The following RNF227 variants were observed in gnomAD, a reference collection of about 807,000 sequenced individuals.
RNF227 encodes ring finger protein 227.
RNF227 carries 8 observed loss-of-function variants against 4.9 expected under a neutral mutation model. The ratio of observed to expected loss-of-function variants is 1.65; its 90% CI spans 0.97 to 2.98. The LOEUF (loss-of-function observed/expected upper bound fraction) is 2.98, where lower values mean the gene tolerates loss of function less well. RNF227 is among the 30% of genes most tolerant of loss of function. The pLI is 0.00. For synonymous variants in RNF227, 63 were observed against 28.1 expected (o/e 2.25, Z -3.94); for missense variants, 136 against 65.4 (o/e 2.08, Z -3.72).
rs1269962672 is a variant in RNF227 at position 7,915,023 on chromosome 17, G to C, written c.*499C>G. On this transcript the variant is annotated 3_prime_UTR_variant, in exon 2 of 2. Coordinates refer to ENST00000324348, the MANE Select transcript of RNF227 (RefSeq NM_001358699.2). ...AGGCAGGGAGCCATCTCAATTTCTGGAACACAGAACTGGGAGTGGGGAGAC... is the reference window on the plus strand; with the variant it reads ...AGGCAGGGAGCCATCTCAATTTCTGCAACACAGAACTGGGAGTGGGGAGAC... 2 of 228,130 alleles carry C rather than the reference G, an allele frequency of 8.8e-6. No homozygotes were observed. The highest frequency in any genetic ancestry group is 1.8e-5 in the Non-Finnish European group (2 of 112,158). 14.1% of individuals were successfully genotyped at this position (228,130 alleles called of 1,614,324 possible). A position where few individuals can be genotyped will look rare whatever the true frequency, so the allele number is the denominator to read the frequency against.
rs1013516696 is a variant in RNF227, at chr17:7,915,481, A to C, written c.*41T>G. On this transcript the variant is annotated 3_prime_UTR_variant, in exon 2 of 2. Transcript: ENST00000324348. ...TTGACATCAGCCCCCGCGAGGCTGC[A>C]GCTCCCACCTTCCTTCGGCTGTAGC... The C allele has an allele frequency of 1.4e-6, 1 of 702,842 alleles. No individual in the cohort carries two copies. The highest frequency in any genetic ancestry group is 1.7e-5 in the African/African-American group (1 of 57,240). 43.5% of individuals were successfully genotyped at this position (702,842 alleles called of 1,614,324 possible). A position where few individuals can be genotyped will look rare whatever the true frequency, so the allele number is the denominator to read the frequency against.
rs909658882 is a variant in RNF227 at position 7,913,379 on chromosome 17, A to T, written c.*2143T>A. On this transcript the variant is annotated 3_prime_UTR_variant, in exon 2 of 2. Coordinates refer to ENST00000324348, the MANE Select transcript of RNF227 (RefSeq NM_001358699.2). ...TTTATTGAGTACATACTATACAGTA[A>T]CACTGCTGTTGGCCCTGGAGATAAA... 2.0e-5 allele frequency: 3 copies of T among 152,236 alleles called. No homozygotes were observed. The highest frequency in any genetic ancestry group is 7.2e-5 in the African/African-American group (3 of 41,462). 9.4% of individuals were successfully genotyped at this position (152,236 alleles called of 1,614,324 possible).
In RNF227 at chr17:7,913,541, G is replaced by T. The variant is rs776085118; in HGVS notation, c.*1981C>A. ...GTGGGGGAAAAGGCTCTACTATGTT[G>T]AAGGCAGAAAAAGGCCTCCCAAAAG... On this transcript the variant is annotated 3_prime_UTR_variant, in exon 2 of 2. Coordinates refer to ENST00000324348, the MANE Select transcript of RNF227 (RefSeq NM_001358699.2). 2.6e-5 allele frequency: 4 copies of T among 152,118 alleles called. No homozygotes were observed. The highest frequency in any genetic ancestry group is 4.4e-5 in the Non-Finnish European group (3 of 68,028). The allele number at this position is 152,118 out of a possible 1,614,324, so 9.4% of individuals were successfully genotyped here.
chr17:7,915,589 A>T lies in RNF227; in HGVS notation c.518-12T>A. 1.4e-6 allele frequency: 1 copy of T among 703,080 alleles called. No individual in the cohort carries two copies. Among genetic ancestry groups the T allele is most frequent in the Admixed American group, 2.0e-5 (1 of 50,020 alleles). The allele number at this position is 703,080 out of a possible 1,614,324, so 43.6% of individuals were successfully genotyped here. Reference sequence around the variant, plus strand: ...CGCACAGTAGAGCACTGGGGGAAAGAAGAAGGGTTAGTGGCAGCAGGAGCA... The same window carrying T: ...CGCACAGTAGAGCACTGGGGGAAAGTAGAAGGGTTAGTGGCAGCAGGAGCA... On this transcript the variant is annotated splice_polypyrimidine_tract_variant and intron_variant, in intron 1 of 1. Transcript: ENST00000324348.
Position 7,914,464 on chromosome 17 carries a change from T to G in RNF227, c.*1058A>C, listed in dbSNP as rs941336436. 6.6e-6 allele frequency: 1 copy of G among 151,214 alleles called. No individual in the cohort carries two copies. The highest frequency in any genetic ancestry group is 1.5e-5 in the Non-Finnish European group (1 of 67,800). The allele number at this position is 151,214 out of a possible 1,614,324, so 9.4% of individuals were successfully genotyped here. Reference sequence around the variant, plus strand: ...CCGGAGGATGAGGCAGGAGAATCGCTTGAACCTGGGAGGCGGAGGCTGCAG... The same window carrying G: ...CCGGAGGATGAGGCAGGAGAATCGCGTGAACCTGGGAGGCGGAGGCTGCAG... On this transcript the variant is annotated 3_prime_UTR_variant, in exon 2 of 2. Transcript: ENST00000324348.
Position 7,916,039 on chromosome 17 carries a change from G to A in RNF227, c.157C>T (p.Arg53Cys). 2 of 359,566 alleles carry A rather than the reference G, an allele frequency of 5.6e-6. No homozygotes were observed. The highest frequency in any genetic ancestry group is 9.9e-6 in the Non-Finnish European group (2 of 201,876). The allele number at this position is 359,566 out of a possible 1,614,324, so 22.3% of individuals were successfully genotyped here. The change falls in exon 1 of 2, where the codon CGC (arginine) becomes TGC (cysteine). Residue 53 changes from arginine to cysteine, a missense_variant. Transcript: ENST00000324348. ...CCGTCCCCGCGCGCCGCCAGCTCGC[G>A]GAGGCAGGCGGTGCAGATCGTGTGG... Reference protein sequence around the residue: ...CGHTICTACLRELAARGDGGG... With the variant: ...CGHTICTACLCELAARGDGGG...
rs1054866399 is a variant in RNF227 at position 7,915,665 on chromosome 17, G to C, written c.517+14C>G. 3 of 702,018 alleles carry C rather than the reference G, an allele frequency of 4.3e-6. No homozygotes were observed. Among genetic ancestry groups the C allele is most frequent in the African/African-American group, 1.7e-5 (1 of 57,352 alleles). The allele number at this position is 702,018 out of a possible 1,614,324, so 43.5% of individuals were successfully genotyped here. A position where few individuals can be genotyped will look rare whatever the true frequency, so the allele number is the denominator to read the frequency against. On this transcript the variant is annotated intron_variant, in intron 1 of 1. Transcript: ENST00000324348. ...GCGCTCTCTCCCCTGCATCCTCCCC[G>C]GGCAGCCCCTCACCGTTGCTAGGCA...
rs1401397968 is a variant in RNF227 at position 7,915,849 on chromosome 17, T to G, written c.347A>C (p.Glu116Ala). Residue 116 changes from glutamate (E) to alanine (A), a missense_variant, in exon 1 of 2, where the codon GAG (glutamate) becomes GCG (alanine). Coordinates refer to ENST00000324348, the MANE Select transcript of RNF227 (RefSeq NM_001358699.2). ...GCTTTCCTTGGCCGGGTTCCCAGCC[T>G]CATCTCGTTCGCACTTGGCCCGCGC... ...EKARAKCERD[E>A]AGNPAKESSD... is the part of the protein sequence containing the mutation. 5 of 702,580 alleles carry G rather than the reference T, an allele frequency of 7.1e-6. No individual in the cohort carries two copies. The highest frequency in any genetic ancestry group is 1.3e-5 in the Non-Finnish European group (5 of 384,770). 43.5% of individuals were successfully genotyped at this position (702,580 alleles called of 1,614,324 possible).
Position 7,915,664 on chromosome 17 carries a change from C to T in RNF227, c.517+15G>A, listed in dbSNP as rs910012857. ...GGCGCTCTCTCCCCTGCATCCTCCC[C>T]GGGCAGCCCCTCACCGTTGCTAGGC... On this transcript the variant is annotated intron_variant, in intron 1 of 1. Transcript: ENST00000324348. The T allele has an allele frequency of 2.8e-6, 2 of 702,036 alleles. No individual in the cohort carries two copies. Among genetic ancestry groups the T allele is most frequent in the South Asian group, 1.5e-5 (1 of 67,580 alleles). 43.5% of individuals were successfully genotyped at this position (702,036 alleles called of 1,614,324 possible).
At position 7,915,661 on chromosome 17, in the gene RNF227, C is replaced by T. The variant is rs1172876535; in HGVS notation, c.517+18G>A. 7 of 701,910 alleles carry T rather than the reference C, an allele frequency of 1.0e-5. No homozygotes were observed. The South Asian group carries it at 1.0e-4, about 10-fold the overall frequency. The allele number at this position is 701,910 out of a possible 1,614,324, so 43.5% of individuals were successfully genotyped here. A position where few individuals can be genotyped will look rare whatever the true frequency, so the allele number is the denominator to read the frequency against. The stretch of plus-strand genomic sequence containing the variant: ...CTCGGCGCTCTCTCCCCTGCATCCT[C>T]CCCGGGCAGCCCCTCACCGTTGCTA... On this transcript the variant is annotated intron_variant, in intron 1 of 1. Transcript: ENST00000324348.
Position 7,915,888 on chromosome 17 carries a change from C to A in RNF227, c.308G>T (p.Arg103Leu). The A allele has an allele frequency of 1.4e-6, 1 of 702,486 alleles. No homozygotes were observed. Among genetic ancestry groups the A allele is most frequent in the South Asian group, 1.5e-5 (1 of 67,598 alleles). The allele number at this position is 702,486 out of a possible 1,614,324, so 43.5% of individuals were successfully genotyped here. Residue 103 changes from arginine (R) to leucine (L), a missense_variant, in exon 1 of 2, where the codon CGA becomes CTA. Transcript: ENST00000324348. ...EMALDSDLWS[R>L]LEEKARAKCE... ...CTTGGCCCGCGCTTTTTCCTCCAAT[C>A]GCGACCACAAGTCCGAGTCAAGAGC...
Position 7,915,668 on chromosome 17 carries a change from C to T in RNF227, c.517+11G>A. 1 of 701,930 alleles carries T rather than the reference C, an allele frequency of 1.4e-6. No individual in the cohort carries two copies. The highest frequency in any genetic ancestry group is 2.6e-6 in the Non-Finnish European group (1 of 384,102). The allele number at this position is 701,930 out of a possible 1,614,324, so 43.5% of individuals were successfully genotyped here. On this transcript the variant is annotated intron_variant, in intron 1 of 1. Transcript: ENST00000324348. ...CTCTCTCCCCTGCATCCTCCCCGGG[C>T]AGCCCCTCACCGTTGCTAGGCAGCG...
rs1299017049 is a variant in RNF227, at chr17:7,916,268, G to GTGT, written c.-74_-73insACA. On this transcript the variant is annotated 5_prime_UTR_variant, in exon 1 of 2. Transcript: ENST00000324348. Reference sequence around the variant, plus strand: ...GAACAGAACGAGCACACTCTCCTGGGGCCGGGTCGGGTCCTGGGGCCGGCG... The same window carrying GTGT: ...GAACAGAACGAGCACACTCTCCTGGGTGTGCCGGGTCGGGTCCTGGGGCCGGCG... The GTGT allele has an allele frequency of 2.8e-5, 10 of 357,092 alleles. No homozygotes were observed. Among genetic ancestry groups the GTGT allele is most frequent in the Non-Finnish European group, 4.0e-5 (8 of 198,824 alleles). 22.1% of individuals were successfully genotyped at this position (357,092 alleles called of 1,614,324 possible).
In RNF227 at chr17:7,914,181, A is replaced by G. The variant is rs767920945; in HGVS notation, c.*1341T>C. The G allele has an allele frequency of 2.6e-5, 4 of 152,262 alleles. No individual in the cohort carries two copies. The highest frequency in any genetic ancestry group is 6.5e-5 in the Admixed American group (1 of 15,288). 9.4% of individuals were successfully genotyped at this position (152,262 alleles called of 1,614,324 possible). On this transcript the variant is annotated 3_prime_UTR_variant, in exon 2 of 2. Coordinates refer to ENST00000324348, the MANE Select transcript of RNF227 (RefSeq NM_001358699.2). ...TTCTACCTACAGATGGTGATATCCT[A>G]AAGAGTGTAGGATCTAGACCAATGG...
In RNF227 at chr17:7,915,006, A is replaced by C; in HGVS notation, c.*516T>G. 3 of 228,622 alleles carry C rather than the reference A, an allele frequency of 1.3e-5. 1 individual carries two copies. In the South Asian group the frequency reaches 1.6e-4, roughly 12 times the overall value. 14.2% of individuals were successfully genotyped at this position (228,622 alleles called of 1,614,324 possible). A position where few individuals can be genotyped will look rare whatever the true frequency, so the allele number is the denominator to read the frequency against. ...CTCCTAATCATAGTCACAGGCAGGG[A>C]GCCATCTCAATTTCTGGAACACAGA... On this transcript the variant is annotated 3_prime_UTR_variant, in exon 2 of 2. Transcript: ENST00000324348.
rs1239247504 is a variant in RNF227 at position 7,916,274 on chromosome 17, G to T, written c.-79C>A. The T allele has an allele frequency of 2.0e-5, 7 of 352,628 alleles. No homozygotes were observed. The highest frequency in any genetic ancestry group is 4.7e-5 in the Admixed American group (1 of 21,164). 21.8% of individuals were successfully genotyped at this position (352,628 alleles called of 1,614,324 possible). A position where few individuals can be genotyped will look rare whatever the true frequency, so the allele number is the denominator to read the frequency against. On this transcript the variant is annotated 5_prime_UTR_variant, in exon 1 of 2. Coordinates refer to ENST00000324348, the MANE Select transcript of RNF227 (RefSeq NM_001358699.2). ...AACGAGCACACTCTCCTGGGGCCGG[G>T]TCGGGTCCTGGGGCCGGCGCCGCGG... is the stretch of plus-strand genomic sequence containing the variant.
In RNF227 at chr17:7,915,422, A is replaced by G. The variant is rs1445898025; in HGVS notation, c.*100T>C. ...CTGCCTTCGGCTCATCTCTCTCATC[A>G]CATGCCAATCCTGGGATCTGAGAGA... On this transcript the variant is annotated 3_prime_UTR_variant, in exon 2 of 2. Coordinates refer to ENST00000324348, the MANE Select transcript of RNF227 (RefSeq NM_001358699.2). The G allele has an allele frequency of 8.5e-6, 6 of 701,940 alleles. No homozygotes were observed. In the East Asian group the frequency reaches 1.6e-4, roughly 19 times the overall value. The allele number at this position is 701,940 out of a possible 1,614,324, so 43.5% of individuals were successfully genotyped here. A position where few individuals can be genotyped will look rare whatever the true frequency, so the allele number is the denominator to read the frequency against.
In RNF227 at chr17:7,915,730, C is replaced by A; in HGVS notation, c.466G>T (p.Asp156Tyr). ...CGCCGCGCAGGCCCCAGGACCCTGT[C>A]CCAGAGCCGCCGGAGCGCGCGCCAC... ...AGWRALRRLW[D>Y]RVLGPARRWR... The change falls in exon 1 of 2, where the codon GAC (aspartate) becomes TAC (tyrosine). Residue 156 changes from aspartate to tyrosine, a missense_variant. Physicochemically the swap from Asp to Tyr is radical, Grantham distance 160. Transcript: ENST00000324348. 1.4e-6 allele frequency: 1 copy of A among 702,588 alleles called. No individual in the cohort carries two copies. Among genetic ancestry groups the A allele is most frequent in the Non-Finnish European group, 2.6e-6 (1 of 384,736 alleles). The allele number at this position is 702,588 out of a possible 1,614,324, so 43.5% of individuals were successfully genotyped here. A position where few individuals can be genotyped will look rare whatever the true frequency, so the allele number is the denominator to read the frequency against.
rs984303051 is a variant in RNF227 at position 7,915,863 on chromosome 17, C to G, written c.333G>C (p.Lys111Asn). 9.1e-5 allele frequency: 64 copies of G among 702,590 alleles called. No individual in the cohort carries two copies. Among genetic ancestry groups the G allele is most frequent in the Non-Finnish European group, 1.3e-4 (51 of 384,750 alleles). The allele number at this position is 702,590 out of a possible 1,614,324, so 43.5% of individuals were successfully genotyped here. ...GGTTCCCAGCCTCATCTCGTTCGCA[C>G]TTGGCCCGCGCTTTTTCCTCCAATC... is the stretch of plus-strand genomic sequence containing the variant. ...WSRLEEKARA[K>N]CERDEAGNPA... The change falls in exon 1 of 2, where the codon AAG becomes AAC. Residue 111 changes from lysine to asparagine, a missense_variant. By Grantham distance (94) the Lys-to-Asn change is moderately conservative. Coordinates refer to ENST00000324348, the MANE Select transcript of RNF227 (RefSeq NM_001358699.2).
Sources: allele counts gnomAD v4.1 joint callset, GRCh38; gene constraint gnomAD v4.1.1; transcripts MANE v1.5; gene names NCBI Gene and HGNC (gene_info 2026-07-23, HGNC 2026-07-21).